The following FAM227B variants were observed in gnomAD, a reference collection of about 807,000 sequenced individuals.
FAM227B encodes family with sequence similarity 227 member B.
A neutral mutation model predicts 73.8 loss-of-function variants in FAM227B; 88 were observed. The observed-to-expected ratio is 1.19, with a 90% CI of 1.00 to 1.42. The LOEUF is 1.42. Among genes scored for constraint, FAM227B ranks in the 40% most tolerant of loss-of-function variants. The pLI, the probability that FAM227B is intolerant of heterozygous loss-of-function variation, is 0.00. For synonymous variants in FAM227B, 210 were observed against 190.5 expected (o/e 1.10, Z -0.84); for missense variants, 632 against 590.9 (o/e 1.07, Z -0.72).
chr15:49,381,702 G>A (rs1200165162), intron 11 of FAM227B, among the ~76,000 whole-genome samples: 1 of 152,122 alleles, frequency 6.6e-6, no homozygotes, highest in Admixed American at 6.5e-5. Flanking sequence ...AAATAAATAA[G>A]AGGTGTAAAT....
chr15:49,582,331 T>A (rs1321820019), intron 5 of FAM227B, among the ~76,000 whole-genome samples: 1 of 152,036 alleles, frequency 6.6e-6, no homozygotes, highest in Non-Finnish European at 1.5e-5. Context: ...GGAGTTGCAA[T>A]CCTAATTGCA....
intron 14 of FAM227B, among the ~76,000 whole-genome samples, chr15:49,333,324 T>C (rs1293144466): frequency 6.6e-6 from 1 of 152,238 alleles, no homozygotes; most frequent in East Asian, 1.9e-4. Flanking sequence ...AGCTCATACA[T>C]TGTGCCTATA....
chr15:49,586,663 C>A (rs557433773), intron 5 of FAM227B, among the ~76,000 whole-genome samples: 15 of 151,688 alleles, frequency 9.9e-5, no homozygotes, highest in African/African-American at 3.6e-4. Context: ...TAATATCCAA[C>A]TCACACGGAA....
chr15:49,372,698 A>C (rs1263197096), intron 11 of FAM227B, among the ~76,000 whole-genome samples: 1 of 152,154 alleles, frequency 6.6e-6, no homozygotes, highest in East Asian at 1.9e-4. Context: ...CTAGGTATTA[A>C]GTGTATCTTA....
intron 15 of FAM227B, chr15:49,329,670 T>A: frequency 1.0e-6 from 1 of 983,232 alleles, no homozygotes; most frequent in Non-Finnish European, 1.2e-6. Flanking sequence ...GTTAAAAGAA[T>A]TTTGAGTTCT....
chr15:49,378,987 G>T (rs531966885), intron 11 of FAM227B, among the ~76,000 whole-genome samples: 18 of 151,942 alleles, frequency 1.2e-4, no homozygotes, highest in Middle Eastern at 3.4e-3. Flanking sequence ...CCAGTTTTTT[G>T]AGGGTTTTTA....
In FAM227B at chr15:49,513,550, T is replaced by C. The variant is rs566216722; in HGVS notation, c.875-5202A>G. 3.9e-5 allele frequency among the ~76,000 whole-genome samples: 6 copies of C among 152,336 alleles called. No homozygotes were observed. In the South Asian group the frequency reaches 1.0e-3, roughly 26 times the overall value. ...CAAAAATTTTCTCCCGTTCTGTAGG[T>C]TGCCTGTTTGCTCTGATGATCTCTT... On this transcript the variant is annotated intron_variant, in intron 10 of 15. Transcript: ENST00000299338.
At chr15:49,429,971 G>C (rs1223015081) in intron 11 of FAM227B, among the ~76,000 whole-genome samples, 1 of 151,854 alleles carries the variant, frequency 6.6e-6, no homozygotes. Context: ...ACCACCTCAG[G>C]GGTCTTGGGA....
intron 11 of FAM227B, among the ~76,000 whole-genome samples, chr15:49,477,379 C>G (rs1271019157): frequency 1.3e-5 from 2 of 152,206 alleles, no homozygotes; most frequent in Non-Finnish European, 2.9e-5. Flanking sequence ...ACTGATACTA[C>G]TGTCTCTAAA....
At chr15:49,497,865 C>T (rs1390566005) in intron 11 of FAM227B, among the ~76,000 whole-genome samples, 1 of 152,196 alleles carries the variant, frequency 6.6e-6, no homozygotes, top group Non-Finnish European at 1.5e-5. Flanking sequence ...TGCCTCTGCA[C>T]CACTTTGGCC....
chr15:49,580,771 G>C (rs914534939), intron 5 of FAM227B, among the ~76,000 whole-genome samples: 13 of 152,104 alleles, frequency 8.5e-5, no homozygotes, highest in Non-Finnish European at 1.8e-4. Flanking sequence ...AAGTTGAAAT[G>C]ATAATTTTAA....
At chr15:49,549,698 A>T (rs1270386840) in intron 9 of FAM227B, among the ~76,000 whole-genome samples, 1 of 151,996 alleles carries the variant, frequency 6.6e-6, no homozygotes, top group African/African-American at 2.4e-5. Flanking sequence ...GAACAAAATG[A>T]AAAGTCTCCC....
intron 11 of FAM227B, chr15:49,484,462 A>T: frequency 6.3e-7 from 1 of 1,579,752 alleles, no homozygotes; most frequent in South Asian, 1.1e-5. Flanking sequence ...AAACGAAGAA[A>T]GAACAAAAAA....
At chr15:49,572,994 T>C (rs940599432) in intron 8 of FAM227B, among the ~76,000 whole-genome samples, 5 of 151,992 alleles carry the variant, frequency 3.3e-5, no homozygotes, top group African/African-American at 9.6e-5. Context: ...CTTTTTTTTT[T>C]CTTTTTCCAC....
At chr15:49,399,359 A>G (rs1298287729) in intron 11 of FAM227B, among the ~76,000 whole-genome samples, 1 of 149,984 alleles carries the variant, frequency 6.7e-6, no homozygotes, top group Non-Finnish European at 1.5e-5. Flanking sequence ...AATAATCAAT[A>G]GCTTACCAAC....
At chr15:49,592,623 C>A (rs1377631281) in intron 3 of FAM227B, among the ~76,000 whole-genome samples, 1 of 152,208 alleles carries the variant, frequency 6.6e-6, no homozygotes, top group Non-Finnish European at 1.5e-5. Flanking sequence ...AGGTGTCTCC[C>A]AGTTAGGCTA....
At chr15:49,417,155 G>A (rs2049273100) in intron 11 of FAM227B, among the ~76,000 whole-genome samples, 1 of 152,156 alleles carries the variant, frequency 6.6e-6, no homozygotes, top group South Asian at 2.1e-4. Context: ...ATGTTGGGAA[G>A]CCCAGGTAGG....
chr15:49,434,493 G>C (rs1162102159), intron 11 of FAM227B: 1 of 151,428 alleles, frequency 6.6e-6, no homozygotes, highest in Non-Finnish European at 1.5e-5. Flanking sequence ...TCTTTTCTGA[G>C]AGGAAATAGC....
intron 13 of FAM227B, among the ~76,000 whole-genome samples, chr15:49,360,609 C>T (rs9888727): frequency 0.95 from 144,996 of 152,226 alleles, 69,125 homozygotes; most frequent in African/African-American, 0.99. Context: ...GCTCTAAATA[C>T]ATTTTATCCA....
Sources: allele counts gnomAD v4.1 joint callset (sites outside exome capture counted in the v4.1 genomes callset), GRCh38; gene constraint gnomAD v4.1.1; transcripts MANE v1.5; gene names NCBI Gene and HGNC (gene_info 2026-07-23, HGNC 2026-07-21).